Variants in DUSP14 observed in about 807,000 individuals in gnomAD.
DUSP14 encodes the protein dual specificity phosphatase 14, also known as dual specificity protein phosphatase 14.
A neutral mutation model predicts 13.2 loss-of-function variants in DUSP14; 5 were observed. The ratio of observed to expected loss-of-function variants is 0.38; its 90% confidence interval spans 0.20 to 0.80. The LOEUF (loss-of-function observed/expected upper bound fraction) is 0.80. Among genes scored for constraint, DUSP14 ranks in the 30% least tolerant of loss-of-function variants. The pLI, the probability that DUSP14 is intolerant of heterozygous loss-of-function variation, is 0.44. For missense variants in DUSP14, 185 were observed against 264.0 expected, an observed-to-expected ratio of 0.70 and a Z score of 2.07; for synonymous variants, 91 against 103.4, an observed-to-expected ratio of 0.88 and a Z score of 0.73.
intron 1 of DUSP14, among the ~76,000 whole-genome samples, chr17:37,501,424 G>T (rs1308344771): frequency 6.6e-6 from 1 of 152,150 alleles, no homozygotes; most frequent in Non-Finnish European, 1.5e-5. Flanking sequence ...TGATGCTGCT[G>T]GGGCTTGGAT....
chr17:37,502,430 C>A (rs1362969273), intron 1 of DUSP14, among the ~76,000 whole-genome samples: 1 of 151,650 alleles, frequency 6.6e-6, no homozygotes, highest in Admixed American at 6.6e-5. Context: ...GCAGTCCTTC[C>A]ACTTCGGCCT....
chr17:37,502,819 T>C (rs2143089002), intron 1 of DUSP14, among the ~76,000 whole-genome samples: 1 of 152,110 alleles, frequency 6.6e-6, no homozygotes, highest in East Asian at 1.9e-4. Context: ...AAGGTAGCAG[T>C]GTGCGACATG....
intron 1 of DUSP14, among the ~76,000 whole-genome samples, chr17:37,508,554 C>A (rs772247630): frequency 4.6e-5 from 7 of 151,934 alleles, no homozygotes; most frequent in Non-Finnish European, 1.0e-4. Flanking sequence ...GCCAATGTGG[C>A]AAAACTCCGT....
chr17:37,493,254 C>A (rs1460138815), intron 1 of DUSP14, among the ~76,000 whole-genome samples: 1 of 152,164 alleles, frequency 6.6e-6, no homozygotes, highest in East Asian at 1.9e-4. Flanking sequence ...TGAGCCACCA[C>A]ACCCAGCCCA....
At chr17:37,511,234 A>G (rs1353339351) in intron 2 of DUSP14, among the ~76,000 whole-genome samples, 3 of 152,122 alleles carry the variant, frequency 2.0e-5, no homozygotes, top group Non-Finnish European at 4.4e-5. Flanking sequence ...TTTCCATGGA[A>G]ATGCTACTGT....
intron 1 of DUSP14, among the ~76,000 whole-genome samples, chr17:37,504,786 G>T (rs1310115353): frequency 6.6e-6 from 1 of 152,136 alleles, no homozygotes; most frequent in Non-Finnish European, 1.5e-5. Context: ...TCATTACGTT[G>T]CCCCGGCTGG....
At position 37,513,242 on chromosome 17, in the gene DUSP14, T is replaced by G; in HGVS notation, c.*373T>G. 1 of 214,910 alleles carries G rather than the reference T, an allele frequency of 4.7e-6. No individual in the cohort carries two copies. Among genetic ancestry groups the G allele is most frequent in the African/African-American group, 2.3e-5 (1 of 43,260 alleles). The allele number at this position is 214,910 out of a possible 1,614,324, so 13.3% of individuals were successfully genotyped here. On this transcript the variant is annotated 3_prime_UTR_variant, in exon 3 of 3. Transcript: ENST00000617516. ...TCACTTTGGGGCCTCATTAACCCTT[T>G]AGAGACAAGCTTTGCCCCAGGCTGC...
At chr17:37,497,145 CA>C (rs2054071123) in intron 1 of DUSP14, among the ~76,000 whole-genome samples, 1 of 151,610 alleles carries the variant, frequency 6.6e-6, no homozygotes, top group Non-Finnish European at 1.5e-5. Flanking sequence ...AATTTTACTT[CA>C]AACTGCATTT....
At chr17:37,500,846 G>C (rs2054099881) in intron 1 of DUSP14, among the ~76,000 whole-genome samples, 1 of 152,128 alleles carries the variant, frequency 6.6e-6, no homozygotes, top group South Asian at 2.1e-4. Flanking sequence ...AGGATTCTTA[G>C]AGATTACTCC....
chr17:37,506,324 T>C (rs770206181), intron 1 of DUSP14, among the ~76,000 whole-genome samples: 3 of 137,062 alleles, frequency 2.2e-5, no homozygotes, highest in Non-Finnish European at 4.6e-5. Context: ...ACCCTGGGGT[T>C]GGTTTAGGAC....
intron 1 of DUSP14, among the ~76,000 whole-genome samples, chr17:37,497,882 T>C (rs2054076340): frequency 6.6e-6 from 1 of 152,004 alleles, no homozygotes; most frequent in Non-Finnish European, 1.5e-5. Context: ...GGCAAAACCC[T>C]GTCTCTACAA....
rs573494361 is a variant in DUSP14, at chr17:37,505,013, T to C, written c.-180-5664T>C. Reference sequence around the variant, plus strand: ...TTCAAGCGATTCTAGTGCCTCAGCCTCCCAGGTAGCTGGGATTCCAGGTGC... The same window carrying C: ...TTCAAGCGATTCTAGTGCCTCAGCCCCCCAGGTAGCTGGGATTCCAGGTGC... On this transcript the variant is annotated intron_variant, in intron 1 of 2. Coordinates refer to ENST00000617516, the MANE Select transcript of DUSP14 (RefSeq NM_007026.4). Among the ~76,000 whole-genome samples the C allele has an allele frequency of 5.9e-5, 9 of 152,326 alleles. No individual in the cohort carries two copies. The East Asian group carries it at 1.2e-3, about 20-fold the overall frequency.
intron 1 of DUSP14, among the ~76,000 whole-genome samples, chr17:37,497,192 G>T (rs1171568523): frequency 6.6e-6 from 1 of 151,602 alleles, no homozygotes; most frequent in Non-Finnish European, 1.5e-5. Flanking sequence ...CCCCAGGCTG[G>T]AGTTCAGTGG....
chr17:37,503,418 C>T (rs1166221357), intron 1 of DUSP14, among the ~76,000 whole-genome samples: 1 of 151,828 alleles, frequency 6.6e-6, no homozygotes, highest in Admixed American at 6.6e-5. Flanking sequence ...AGAGGGAGAC[C>T]CTGTGTCAAA....
At chr17:37,492,344 G>A (rs573032070) in intron 1 of DUSP14, among the ~76,000 whole-genome samples, 6 of 152,366 alleles carry the variant, frequency 3.9e-5, no homozygotes, top group South Asian at 2.1e-4. Context: ...CAAGGCCTGG[G>A]TATAAACTTA....
Position 37,512,164 on chromosome 17 carries a change from A to G in DUSP14, c.-92-17A>G. ...TCAGTAGCATTTAAAGTACTGACACATACCTGTATTTTGCAGGAAGGAGAC... is the reference window on the plus strand; with the variant it reads ...TCAGTAGCATTTAAAGTACTGACACGTACCTGTATTTTGCAGGAAGGAGAC... On this transcript the variant is annotated splice_polypyrimidine_tract_variant and intron_variant, in intron 2 of 2. Coordinates refer to ENST00000617516, the MANE Select transcript of DUSP14 (RefSeq NM_007026.4). The surrounding 1 kb of genome is among the most constrained non-coding windows in gnomAD (Gnocchi z 4.8). The G allele has an allele frequency of 2.4e-6, 2 of 837,236 alleles. No homozygotes were observed. The highest frequency in any genetic ancestry group is 1.7e-5 in the African/African-American group (1 of 58,974). The allele number at this position is 837,236 out of a possible 1,614,324, so 51.9% of individuals were successfully genotyped here.
At position 37,512,436 on chromosome 17, in the gene DUSP14, G is replaced by C; in HGVS notation, c.164G>C (p.Cys55Ser). 1 of 1,614,160 alleles carries C rather than the reference G, an allele frequency of 6.2e-7. No individual in the cohort carries two copies. The highest frequency in any genetic ancestry group is 8.5e-7 in the Non-Finnish European group (1 of 1,180,044). The change falls in exon 3 of 3, where the codon TGC becomes TCC. Residue 55 changes from cysteine to serine, a missense_variant. Physicochemically the swap from Cys to Ser is moderately radical, Grantham distance 112 (BLOSUM62 -1). Transcript: ENST00000617516. The surrounding 1 kb of genome is among the most constrained non-coding windows in gnomAD (Gnocchi z 4.8). Reference protein sequence around the residue: ...RHLLQARGITCIVNATIEIPN... With the variant: ...RHLLQARGITSIVNATIEIPN... The stretch of plus-strand genomic sequence containing the variant: ...CTCCTCCAGGCTCGTGGCATCACCT[G>C]CATTGTTAATGCTACCATTGAGATC...
intron 1 of DUSP14, among the ~76,000 whole-genome samples, chr17:37,497,330 A>G (rs1225174025): frequency 6.6e-6 from 1 of 152,130 alleles, no homozygotes; most frequent in Non-Finnish European, 1.5e-5. Context: ...TTTAATAGAG[A>G]TGGGGTTTCA....
In DUSP14 at chr17:37,512,770, T is replaced by C. The variant is rs1208950598; in HGVS notation, c.498T>C (p.Phe166=). 6.2e-7 allele frequency: 1 copy of C among 1,613,858 alleles called. No individual in the cohort carries two copies. The highest frequency in any genetic ancestry group is 2.2e-5 in the East Asian group (1 of 44,882). ...RQLIDYERQL[F]GKSTVKMVQT... ...TGATAGACTACGAGCGCCAGCTCTT[T>C]GGGAAGTCGACAGTTAAAATGGTAC... The change falls in exon 3 of 3, where the codon TTT becomes TTC. Residue 166 remains phenylalanine, a synonymous_variant. Coordinates refer to ENST00000617516, the MANE Select transcript of DUSP14 (RefSeq NM_007026.4). This position sits in a 1 kb window ranked among gnomAD's most constrained non-coding sequence, Gnocchi z 4.8.
Sources: allele counts gnomAD v4.1 joint callset (sites outside exome capture counted in the v4.1 genomes callset), GRCh38; gene constraint gnomAD v4.1.1; non-coding constraint Gnocchi (gnomAD v3.1); transcripts MANE v1.5; gene names NCBI Gene and HGNC (gene_info 2026-07-23, HGNC 2026-07-21).